The following ROCK1 variants were observed in gnomAD, a reference collection of about 807,000 sequenced individuals.
The protein encoded by ROCK1 is Rho associated coiled-coil containing protein kinase 1.
Under a neutral mutation model 196.8 loss-of-function variants are expected in ROCK1, and 36 were observed. The observed-to-expected ratio is 0.18, with a 90% confidence interval of 0.14 to 0.24. The LOEUF (loss-of-function observed/expected upper bound fraction) is 0.24. Among genes scored for constraint, ROCK1 ranks in the 10% least tolerant of loss-of-function variants. The pLI, the probability that ROCK1 is intolerant of heterozygous loss-of-function variation, is 1.00. For synonymous variants in ROCK1, 443 were observed against 515.9 expected (o/e 0.86, Z 1.91); for missense variants, 920 against 1,562.0 (o/e 0.59, Z 6.93).
rs1399338403 is a variant in ROCK1 at position 21,020,238 on chromosome 18, T to C, written c.1274A>G (p.Gln425Arg). The stretch of plus-strand genomic sequence containing the variant: ...ATAGATTGTTTTTTGCAAACTTTCC[T>C]GCTTTAATTTAAAACAAAAACAAAA... ...RTSSNADKSL[Q>R]ESLQKTIYKL... The change falls in exon 12 of 33, where the codon CAG (glutamine) becomes CGG (arginine). Residue 425 changes from glutamine (Q) to arginine (R), a missense_variant and splice_region_variant. This residue lies in a region of ROCK1 where 520 missense variants were observed against 657.1 expected (regional missense o/e 0.79). Transcript: ENST00000399799. 6.4e-7 allele frequency: 1 copy of C among 1,559,074 alleles called. No homozygotes were observed. The highest frequency in any genetic ancestry group is 8.7e-7 in the Non-Finnish European group (1 of 1,154,630).
At chr18:21,047,697 G>T (rs1308232371) in intron 4 of ROCK1, among the ~76,000 whole-genome samples, 5 of 152,022 alleles carry the variant, frequency 3.3e-5, no homozygotes, top group Non-Finnish European at 5.9e-5. Context: ...GGGAGGCTGA[G>T]GCAGGAGAAT....
At chr18:20,964,310 T>C (rs1385514557) in intron 27 of ROCK1, among the ~76,000 whole-genome samples, 1 of 152,214 alleles carries the variant, frequency 6.6e-6, no homozygotes, top group Non-Finnish European at 1.5e-5. Context: ...GACACTTGAA[T>C]GATATGTAAC....
chr18:21,052,606 T>C (rs2036212803), intron 2 of ROCK1, among the ~76,000 whole-genome samples: 1 of 152,026 alleles, frequency 6.6e-6, no homozygotes, highest in South Asian at 2.1e-4. Flanking sequence ...GAGCAGTGGG[T>C]AGGCAAGCAT....
At chr18:20,965,803 G>A (rs753271502) in intron 27 of ROCK1, among the ~76,000 whole-genome samples, 12 of 152,014 alleles carry the variant, frequency 7.9e-5, no homozygotes, top group African/African-American at 7.2e-5. Flanking sequence ...ATATTTCTTC[G>A]CTGCCTTTCC....
intron 14 of ROCK1, 31 bp from the exon 15 acceptor site, chr18:21,006,821 T>C: frequency 7.8e-7 from 1 of 1,287,966 alleles, no homozygotes; most frequent in South Asian, 1.3e-5. Flanking sequence ...ATATAGAAAT[T>C]ACAACATTTT....
intron 29 of ROCK1, among the ~76,000 whole-genome samples, chr18:20,957,775 C>A (rs2143327545): frequency 6.6e-6 from 1 of 150,942 alleles, no homozygotes; most frequent in South Asian, 2.1e-4. Context: ...TGAGCCACCA[C>A]AACTGGCCCA....
intron 9 of ROCK1, 136 bp from the exon 10 acceptor site, chr18:21,029,071 A>G: frequency 1.4e-6 from 1 of 735,046 alleles, no homozygotes; most frequent in Non-Finnish European, 2.2e-6. Context: ...CTTGAATCCT[A>G]TTACATCAAG....
At chr18:20,999,524 A>G (rs1475846356) in intron 16 of ROCK1, among the ~76,000 whole-genome samples, 3 of 152,320 alleles carry the variant, frequency 2.0e-5, no homozygotes, top group East Asian at 3.9e-4. Context: ...TGAACAATCC[A>G]AAAAGAAAAT....
intron 16 of ROCK1, among the ~76,000 whole-genome samples, chr18:21,005,128 AC>A (rs1291340225): frequency 2.6e-5 from 4 of 152,236 alleles, no homozygotes; most frequent in African/African-American, 9.6e-5. Context: ...GCTGCTGCTA[AC>A]AGGAATAGAA....
At chr18:20,975,711 C>T (rs1367079468) in intron 22 of ROCK1, among the ~76,000 whole-genome samples, 4 of 152,100 alleles carry the variant, frequency 2.6e-5, no homozygotes, top group Admixed American at 6.5e-5. Flanking sequence ...CCCAGGTTCA[C>T]GCCATTCTCC....
At chr18:21,014,770 T>A (rs1461958816) in intron 13 of ROCK1, among the ~76,000 whole-genome samples, 1 of 152,120 alleles carries the variant, frequency 6.6e-6, no homozygotes, top group Non-Finnish European at 1.5e-5. Flanking sequence ...ATAAAAACTA[T>A]CAGAGATTAA....
chr18:21,097,862 G>A lies in ROCK1; in HGVS notation c.93+12956C>T, dbSNP rs563151188. ...TAAGAACTTTACCCAAAGTCACAGG[G>A]CTAATAAGTGGTCGACCTGGGTGGG... On this transcript the variant is annotated intron_variant, in intron 1 of 32. Coordinates refer to ENST00000399799, the MANE Select transcript of ROCK1 (RefSeq NM_005406.3). 3.9e-5 allele frequency among the ~76,000 whole-genome samples: 6 copies of A among 152,358 alleles called. No individual in the cohort carries two copies. In the South Asian group the frequency reaches 1.2e-3, roughly 32 times the overall value.
chr18:21,006,292 A>G (rs760249054), intron 16 of ROCK1, 59 bp downstream of exon 16: 18 of 1,365,714 alleles, frequency 1.3e-5, no homozygotes, highest in Non-Finnish European at 1.8e-5. Context: ...AAAAATGGTT[A>G]AAATGTTATA....
intron 27 of ROCK1, among the ~76,000 whole-genome samples, chr18:20,963,362 G>A (rs1743560817): frequency 6.6e-6 from 1 of 151,970 alleles, no homozygotes; most frequent in Admixed American, 6.6e-5. Flanking sequence ...TACTGCTTAA[G>A]AAACAGGGCT....
intron 22 of ROCK1, among the ~76,000 whole-genome samples, chr18:20,979,348 G>T (rs1478498517): frequency 6.6e-6 from 1 of 152,146 alleles, no homozygotes. Context: ...ACTAGCCCAG[G>T]CGTGGTGGCT....
At chr18:21,020,327 T>C in intron 11 of ROCK1, 88 bp from the exon 12 acceptor site, 4 of 599,550 alleles carry the variant, frequency 6.7e-6, no homozygotes, top group Non-Finnish European at 1.1e-5. Context: ...ATTTTAAACC[T>C]TTTTAGAAAA....
Position 20,947,574 on chromosome 18 carries a change from C to T in ROCK1, c.*3810G>A, listed in dbSNP as rs1182014835. On this transcript the variant is annotated 3_prime_UTR_variant, in exon 33 of 33. Transcript: ENST00000399799. ...GTGTCAGGCCAGGCACGGTGGCCTA[C>T]ACCTGTAATGAGAGAGTAAAACTGC... 3 of 152,046 alleles carry T rather than the reference C, an allele frequency of 2.0e-5. No individual in the cohort carries two copies. Among genetic ancestry groups the T allele is most frequent in the Non-Finnish European group, 2.9e-5 (2 of 68,036 alleles). The allele number at this position is 152,046 out of a possible 1,614,324, so 9.4% of individuals were successfully genotyped here.
intron 9 of ROCK1, among the ~76,000 whole-genome samples, chr18:21,037,138 T>A (rs185161294): frequency 1.0e-3 from 154 of 152,304 alleles, no homozygotes; most frequent in African/African-American, 3.3e-3. Context: ...TTTGTCCTTC[T>A]CCTATCTTTG....
chr18:21,084,884 T>C (rs2036513315), intron 1 of ROCK1, among the ~76,000 whole-genome samples: 1 of 152,186 alleles, frequency 6.6e-6, no homozygotes, highest in Non-Finnish European at 1.5e-5. Context: ...GGATAAAAGG[T>C]GGTATGTACA....
Sources: gnomAD v4.1 joint callset for allele counts (sites outside exome capture counted in the v4.1 genomes callset) on GRCh38, gnomAD v4.1.1 for gene constraint, gnomAD v4.1.1 regional missense constraint, MANE v1.5 for transcripts, NCBI Gene and HGNC (gene_info 2026-07-23, HGNC 2026-07-21) for gene names.